The following RAB33A variants were observed in gnomAD, a reference collection of about 807,000 sequenced individuals.
RAB33A encodes RAB33A, member RAS oncogene family, also known as ras-related protein Rab-33A.
RAB33A carries 6 observed loss-of-function variants against 12.0 expected under a neutral mutation model. The observed-to-expected ratio is 0.50, with a 90% CI of 0.27 to 0.99. The LOEUF (loss-of-function observed/expected upper bound fraction) is 0.99, where lower values mean the gene tolerates loss of function less well. Among genes scored for constraint, RAB33A ranks in the 50% least tolerant of loss-of-function variants. RAB33A has a pLI of 0.11. For missense variants in RAB33A, 109 were observed against 192.0 expected (o/e 0.57, Z 2.55); for synonymous variants, 70 against 82.4 (o/e 0.85, Z 0.81).
chrX:130,155,025 G>A, the RAB33A span: 1 of 848,973 alleles, frequency 1.2e-6, no homozygotes, highest in East Asian at 3.2e-5. Context: ...GACTGACAAT[G>A]TCCCTTTAAT....
At chrX:130,148,477 C>T in the RAB33A span, among the ~76,000 whole-genome samples, 4 of 111,599 alleles carry the variant, frequency 3.6e-5, no homozygotes, top group Admixed American at 1.9e-4. Context: ...ATACCTTTAG[C>T]AACTCGAAAC....
rs1042152250 is a variant in RAB33A, at chrX:130,182,250, CTATATATAACATATATGTAA to C, written c.259-2018_259-1999del. Among the ~76,000 whole-genome samples the C allele has an allele frequency of 3.1e-5, 3 of 97,653 alleles. No homozygotes were observed. In the Admixed American group the frequency reaches 3.5e-4, roughly 12 times the overall value. 84.8% of individuals were successfully genotyped at this position (97,653 alleles called of 115,157 possible). On this transcript the variant is annotated intron_variant, in intron 1 of 1. Coordinates refer to ENST00000257017, the MANE Select transcript of RAB33A (RefSeq NM_004794.3). ...ATATGTAATATATATAACATATACA[CTATATATAACATATATGTAA>C]TATATATAACATATATATGCATACT...
chrX:130,131,856 A>G, the RAB33A span: 1 of 1,191,257 alleles, frequency 8.4e-7, no homozygotes, highest in Non-Finnish European at 1.1e-6. Context: ...ACACGGTAGC[A>G]CATATTCTCC....
chrX:130,140,576 A>G, the RAB33A span: 2 of 1,211,218 alleles, frequency 1.7e-6, no homozygotes, highest in African/African-American at 3.5e-5. Flanking sequence ...GAGAGCCATC[A>G]TTAAGTTTCA....
chrX:130,145,199 T>C, the RAB33A span, among the ~76,000 whole-genome samples: 5 of 111,591 alleles, frequency 4.5e-5, no homozygotes, highest in East Asian at 1.4e-3. Context: ...CAGAGAGAAG[T>C]TAGTGTGGGA....
At chrX:130,170,778 G>GA (rs921685602), upstream of RAB33A, among the ~76,000 whole-genome samples, 3 of 112,737 alleles carry the variant, frequency 2.7e-5, no homozygotes, top group African/African-American at 6.4e-5. Flanking sequence ...AACTCCCTCT[G>GA]AAACTCCAGC....
At chrX:130,145,657 C>T in the RAB33A span, 3 of 763,581 alleles carry the variant, frequency 3.9e-6, no homozygotes, top group Non-Finnish European at 5.9e-6. Flanking sequence ...TTTCCATTAT[C>T]AGAAACTTTA....
At chrX:130,137,405 T>A in the RAB33A span, 7 of 1,156,014 alleles carry the variant, frequency 6.1e-6, no homozygotes, top group Non-Finnish European at 8.1e-6. Flanking sequence ...GGCCCCAGAT[T>A]AAGCTTCAGA....
At chrX:130,165,597 C>A in the RAB33A span, 1 of 1,202,291 alleles carries the variant, frequency 8.3e-7, no homozygotes, top group Non-Finnish European at 1.1e-6. Context: ...ACACGGTCCG[C>A]ACCAAGGGCA....
At chrX:130,148,573 C>T in the RAB33A span, among the ~76,000 whole-genome samples, 2 of 111,245 alleles carry the variant, frequency 1.8e-5, no homozygotes, top group Non-Finnish European at 3.8e-5. Context: ...GTGGCTCCCA[C>T]CTGTAATCCC....
chrX:130,129,931 A>T, the RAB33A span: 1 of 1,198,098 alleles, frequency 8.3e-7, no homozygotes, highest in Non-Finnish European at 1.1e-6. Context: ...TCTAAGCCGT[A>T]CTTCCCATCT....
chrX:130,111,206 G>A, the RAB33A span, among the ~76,000 whole-genome samples: 1 of 110,956 alleles, frequency 9.0e-6, no homozygotes, highest in Non-Finnish European at 1.9e-5. Context: ...GTGCGCCGCG[G>A]CCCGGGCGGG....
At chrX:130,127,377 A>G in the RAB33A span, among the ~76,000 whole-genome samples, 53 of 111,172 alleles carry the variant, frequency 4.8e-4, no homozygotes, top group African/African-American at 1.7e-3. Flanking sequence ...AGGTCCTTAA[A>G]AGCAGTGGCT....
chrX:130,171,059 G>C (rs1299592166), upstream of RAB33A, among the ~76,000 whole-genome samples: 1 of 113,203 alleles, frequency 8.8e-6, no homozygotes, highest in East Asian at 2.8e-4. Flanking sequence ...CAGAGGATGG[G>C]TGCGCGTGGT....
At chrX:130,158,264 C>T in the RAB33A span, among the ~76,000 whole-genome samples, 121 of 107,570 alleles carry the variant, frequency 1.1e-3, no homozygotes, top group Non-Finnish European at 1.9e-3. Flanking sequence ...AACTCCATTT[C>T]AAAGAAAAAA....
At chrX:130,125,038 A>C in the RAB33A span, among the ~76,000 whole-genome samples, 2 of 111,553 alleles carry the variant, frequency 1.8e-5, no homozygotes, top group African/African-American at 6.5e-5. Context: ...ATGATTATGG[A>C]GCGGTCTTGT....
chrX:130,127,563 C>A, the RAB33A span, among the ~76,000 whole-genome samples: 1 of 110,284 alleles, frequency 9.1e-6, no homozygotes, highest in Non-Finnish European at 1.9e-5. Flanking sequence ...TAAAGCAAGA[C>A]AAATCACAAT....
chrX:130,129,886 C>A, the RAB33A span: 1 of 1,099,525 alleles, frequency 9.1e-7, no homozygotes, highest in Non-Finnish European at 1.3e-6. Context: ...GGGGACAATG[C>A]ATCTCAGGGC....
the RAB33A span, chrX:130,145,583 A>G: frequency 4.4e-6 from 5 of 1,126,127 alleles, no homozygotes; most frequent in Admixed American, 6.6e-5. Context: ...TATGGAGAAG[A>G]GAGGGAGAAT....
Sources: gnomAD v4.1 joint callset for allele counts (sites outside exome capture counted in the v4.1 genomes callset) on GRCh38, gnomAD v4.1.1 for gene constraint, MANE v1.5 for transcripts, NCBI Gene and HGNC (gene_info 2026-07-23, HGNC 2026-07-21) for gene names.